PSTPIP1: variants seen among roughly 807,000 people sequenced by gnomAD.
PSTPIP1 encodes proline-serine-threonine phosphatase-interacting protein 1.
Under a neutral mutation model 69.6 loss-of-function variants are expected in PSTPIP1, and 66 were observed. That is an observed-to-expected ratio of 0.95 (90% CI 0.78 to 1.16). The LOEUF is 1.16. Among genes scored for constraint, PSTPIP1 ranks in the 50% most tolerant of loss-of-function variants. The pLI is 0.00. For missense variants in PSTPIP1, 603 were observed against 557.4 expected, an observed-to-expected ratio of 1.08 and a Z score of -0.82; for synonymous variants, 266 against 222.7, an observed-to-expected ratio of 1.19 and a Z score of -1.73.
rs961057779 is a variant in PSTPIP1, at chr15:77,027,433, G to C, written c.355-419G>C. Among the ~76,000 whole-genome samples the C allele has an allele frequency of 2.6e-5, 4 of 152,176 alleles. No homozygotes were observed. The highest frequency in any genetic ancestry group is 9.7e-5 in the African/African-American group (4 of 41,434). ...AGGAATGCCTGTGATCATGCGTGTGGGCAGCTAGGGATGGGGCCTGTGTGC... is the reference window on the plus strand; with the variant it reads ...AGGAATGCCTGTGATCATGCGTGTGCGCAGCTAGGGATGGGGCCTGTGTGC... On this transcript the variant is annotated intron_variant, in intron 5 of 14. Coordinates refer to ENST00000558012, the MANE Select transcript of PSTPIP1 (RefSeq NM_003978.5). The surrounding 1 kb of genome is among the most constrained non-coding windows in gnomAD (Gnocchi z 4.3).
Position 77,029,578 on chromosome 15 carries a change from T to C in PSTPIP1, c.562+4T>C, listed in dbSNP as rs1239252761. On this transcript the variant is annotated splice_donor_region_variant and intron_variant, in intron 8 of 14. Coordinates refer to ENST00000558012, the MANE Select transcript of PSTPIP1 (RefSeq NM_003978.5). ...AAGGACTCGGCCACCGAGGCAGGTA[T>C]GTGGGCCTGGCTGCCCCGTCCGACC... 17 of 1,575,650 alleles carry C rather than the reference T, an allele frequency of 1.1e-5. No individual in the cohort carries two copies. Among genetic ancestry groups the C allele is most frequent in the Non-Finnish European group, 1.4e-5 (16 of 1,161,796 alleles).
chr15:77,016,623 G>T (rs1306285524), intron 1 of PSTPIP1, among the ~76,000 whole-genome samples: 1 of 152,010 alleles, frequency 6.6e-6, no homozygotes, highest in Non-Finnish European at 1.5e-5. Flanking sequence ...TTATGGAGGG[G>T]GTAGGAGCTT....
intron 1 of PSTPIP1, among the ~76,000 whole-genome samples, chr15:77,001,957 T>C (rs2075718342): frequency 6.6e-6 from 1 of 152,214 alleles, no homozygotes; most frequent in Non-Finnish European, 1.5e-5. Flanking sequence ...ACCATATGAA[T>C]GTATTAATTA....
In PSTPIP1 at chr15:77,018,194, G is replaced by A. The variant is rs750445188; in HGVS notation, c.83G>A (p.Arg28Gln). The change falls in exon 2 of 15, where the codon CGG (arginine) becomes CAG (glutamine). Residue 28 changes from arginine to glutamine, a missense_variant. Coordinates refer to ENST00000558012, the MANE Select transcript of PSTPIP1 (RefSeq NM_003978.5). ...AHTGYEVLLQ[R>Q]LLDGRKMCKD... ...ACGGGCTACGAGGTGCTGCTGCAGCGGCTTCTGGATGGCAGGAAGATGTGC... is the reference window on the plus strand; with the variant it reads ...ACGGGCTACGAGGTGCTGCTGCAGCAGCTTCTGGATGGCAGGAAGATGTGC... 8 of 1,590,532 alleles carry A rather than the reference G, an allele frequency of 5.0e-6. No homozygotes were observed. Among genetic ancestry groups the A allele is most frequent in the Admixed American group, 3.6e-5 (2 of 56,156 alleles).
At chr15:77,000,358 A>G (rs1158716949) in intron 1 of PSTPIP1, among the ~76,000 whole-genome samples, 2 of 152,014 alleles carry the variant, frequency 1.3e-5, no homozygotes, top group African/African-American at 4.8e-5. Context: ...TCTGTCATAA[A>G]GCTGCCTGTC....
At chr15:77,006,385 T>C (rs1199663422) in intron 1 of PSTPIP1, among the ~76,000 whole-genome samples, 1 of 152,240 alleles carries the variant, frequency 6.6e-6, no homozygotes, top group Non-Finnish European at 1.5e-5. Context: ...ATATATGATT[T>C]GTAAATATTT....
chr15:77,008,048 C>T (rs1481056322), intron 1 of PSTPIP1: 1 of 456,602 alleles, frequency 2.2e-6, no homozygotes, highest in Admixed American at 2.3e-5. Flanking sequence ...AGACCCAGAA[C>T]AGCTGAGGAT....
chr15:77,030,638 C>G, intron 9 of PSTPIP1, 57 bp downstream of exon 9: 1 of 1,505,598 alleles, frequency 6.6e-7, no homozygotes, highest in African/African-American at 1.4e-5. Flanking sequence ...AGACGCCCAT[C>G]CCTACTCCAG....
intron 3 of PSTPIP1, chr15:77,024,533 T>G (rs1596102177): frequency 6.6e-6 from 1 of 152,086 alleles, no homozygotes; most frequent in Non-Finnish European, 1.5e-5. Flanking sequence ...GATGCCCAGG[T>G]GAACGTGAAT....
At chr15:77,030,411 G>C (rs2076385950) in intron 8 of PSTPIP1, 91 bp from the exon 9 acceptor site, 1 of 1,355,068 alleles carries the variant, frequency 7.4e-7, no homozygotes, top group East Asian at 2.5e-5. Flanking sequence ...GGGGCTCCCA[G>C]TGGGAGGAGG....
chr15:77,032,250 G>A (rs1346165291), intron 10 of PSTPIP1, 48 bp from the exon 11 acceptor site: 2 of 1,582,372 alleles, frequency 1.3e-6, no homozygotes, highest in Admixed American at 1.7e-5. Context: ...GGCCCACAGA[G>A]GGGCAGAGTG....
intron 3 of PSTPIP1, among the ~76,000 whole-genome samples, chr15:77,018,940 C>A (rs1356493355): frequency 1.3e-5 from 2 of 152,300 alleles, no homozygotes; most frequent in East Asian, 3.9e-4. Context: ...AGGGGACACA[C>A]CTGGGTTCCG....
chr15:76,994,891 G>A (rs2075539228), upstream of PSTPIP1: 3 of 1,286,608 alleles, frequency 2.3e-6, no homozygotes, highest in South Asian at 1.2e-5. Context: ...GAAGGGTGCT[G>A]GACTGGCTGG....
chr15:77,027,000 G>A (rs2076294633), intron 5 of PSTPIP1, among the ~76,000 whole-genome samples: 2 of 152,260 alleles, frequency 1.3e-5, no homozygotes, highest in Non-Finnish European at 2.9e-5. Context: ...GTGTGTATGT[G>A]CGTGTGCCAC....
chr15:77,018,442 C>G lies in PSTPIP1; in HGVS notation c.138-15C>G. 1 of 1,567,796 alleles carries G rather than the reference C, an allele frequency of 6.4e-7. No individual in the cohort carries two copies. The highest frequency in any genetic ancestry group is 1.2e-5 in the South Asian group (1 of 85,138). ...CAAGTCACTGATGATCTTTCAAATG[C>G]CCTTTTTTTTGCAGGGCCCAGGCGG... is the stretch of plus-strand genomic sequence containing the variant. On this transcript the variant is annotated splice_polypyrimidine_tract_variant and intron_variant, in intron 2 of 14. Transcript: ENST00000558012.
chr15:77,018,760 G>T (rs541159589), intron 3 of PSTPIP1, among the ~76,000 whole-genome samples: 1 of 152,314 alleles, frequency 6.6e-6, no homozygotes, highest in Non-Finnish European at 1.5e-5. Context: ...GGAGACAGGA[G>T]GCCATCCATC....
chr15:76,995,206 G>A lies in PSTPIP1; in HGVS notation c.-368G>A, dbSNP rs1400914453. 28 of 1,211,636 alleles carry A rather than the reference G, an allele frequency of 2.3e-5. No homozygotes were observed. Among genetic ancestry groups the A allele is most frequent in the Non-Finnish European group, 2.7e-5 (26 of 960,626 alleles). The allele number at this position is 1,211,636 out of a possible 1,614,324, so 75.1% of individuals were successfully genotyped here. A position where few individuals can be genotyped will look rare whatever the true frequency, so the allele number is the denominator to read the frequency against. On this transcript the variant is annotated 5_prime_UTR_variant, in exon 1 of 15. Coordinates refer to ENST00000558012, the MANE Select transcript of PSTPIP1 (RefSeq NM_003978.5). ...CGAGCTCCAGCCTGCCTCTTCCACTGGCCACTGCCTCCCACCCAGGGCTGG... is the reference window on the plus strand; with the variant it reads ...CGAGCTCCAGCCTGCCTCTTCCACTAGCCACTGCCTCCCACCCAGGGCTGG...
At chr15:77,025,192 C>T in intron 3 of PSTPIP1, 92 bp from the exon 4 acceptor site, 8 of 1,391,690 alleles carry the variant, frequency 5.7e-6, no homozygotes, top group Non-Finnish European at 8.2e-6. Flanking sequence ...AAATAAAAGT[C>T]CTCCCCACTG....
chr15:77,028,049 T>C, intron 6 of PSTPIP1, 135 bp downstream of exon 6: 1 of 847,496 alleles, frequency 1.2e-6, no homozygotes, highest in Non-Finnish European at 1.9e-6. Context: ...ACCTCGGCCT[T>C]GGGCGCACCA....
Sources: gnomAD v4.1 joint callset for allele counts (sites outside exome capture counted in the v4.1 genomes callset) on GRCh38, gnomAD v4.1.1 for gene constraint, Gnocchi (gnomAD v3.1) non-coding constraint, MANE v1.5 for transcripts, NCBI Gene and HGNC (gene_info 2026-07-23, HGNC 2026-07-21) for gene names.